CCL28: variants seen among roughly 807,000 people sequenced by gnomAD.
CCL28 encodes C-C motif chemokine ligand 28, also known as C-C motif chemokine 28.
In CCL28, 4 loss-of-function variants were observed where a neutral mutation model predicts 7.1. The observed-to-expected ratio is 0.56, with a 90% CI of 0.28 to 1.29. The LOEUF (loss-of-function observed/expected upper bound fraction) is 1.29. Ranked by LOEUF, CCL28 falls within the 50% of genes most tolerant of loss-of-function variation. The probability of loss-of-function intolerance (pLI) is 0.11; values close to 1 mark genes in which losing one functional copy is unlikely to be tolerated. For missense variants in CCL28, 151 were observed against 163.4 expected (o/e 0.92, Z 0.41); for synonymous variants, 55 against 57.8 (o/e 0.95, Z 0.22).
At chr5:43,395,937 T>C (rs1046470150) in intron 1 of CCL28, among the ~76,000 whole-genome samples, 1 of 144,440 alleles carries the variant, frequency 6.9e-6, no homozygotes, top group African/African-American at 2.6e-5. Context: ...AGTGGCGAGA[T>C]CTCTGCTCAC....
intron 1 of CCL28, among the ~76,000 whole-genome samples, chr5:43,393,933 A>G (rs1439065415): frequency 6.6e-6 from 1 of 152,210 alleles, no homozygotes; most frequent in Non-Finnish European, 1.5e-5. Flanking sequence ...TTCTTCTGCT[A>G]TGCTATATAA....
chr5:43,391,366 G>A (rs560312870), intron 1 of CCL28, among the ~76,000 whole-genome samples: 1 of 152,300 alleles, frequency 6.6e-6, no homozygotes, highest in South Asian at 2.1e-4. Flanking sequence ...AAAGTATTTT[G>A]AGGCCAGACA....
intron 1 of CCL28, among the ~76,000 whole-genome samples, chr5:43,388,918 C>T (rs1294790059): frequency 6.6e-6 from 1 of 152,114 alleles, no homozygotes; most frequent in Non-Finnish European, 1.5e-5. Context: ...GCTTAATAGT[C>T]CAGTGGGAGG....
At chr5:43,364,305 A>ATG in the CCL28 span, among the ~76,000 whole-genome samples, 1 of 151,512 alleles carries the variant, frequency 6.6e-6, no homozygotes, top group Admixed American at 6.6e-5. Context: ...AAAACTATAT[A>ATG]TGTGTGTGTG....
chr5:43,404,721 A>G (rs1032665761), intron 1 of CCL28, among the ~76,000 whole-genome samples: 1 of 152,366 alleles, frequency 6.6e-6, no homozygotes, highest in African/African-American at 2.4e-5. Context: ...GGCAAACTGG[A>G]TAAAGAGTCA....
chr5:43,366,426 TTCTGTAGG>T, the CCL28 span, among the ~76,000 whole-genome samples: 1 of 152,210 alleles, frequency 6.6e-6, no homozygotes, highest in Non-Finnish European at 1.5e-5. Context: ...CAGGCTCCTC[TTCTGTAGG>T]TCTGCTGGAG....
At chr5:43,377,717 C>CTCT (rs1739937800), downstream of CCL28, among the ~76,000 whole-genome samples, 1 of 42,708 alleles carries the variant, frequency 2.3e-5, no homozygotes, top group African/African-American at 1.2e-4. Flanking sequence ...AGAACTTAAA[C>CTCT]TTTTTTTTTT....
rs181908176 is a variant in CCL28, at chr5:43,390,758, A to G, written c.65-2282T>C. On this transcript the variant is annotated intron_variant, in intron 1 of 2. Coordinates refer to ENST00000361115, the MANE Select transcript of CCL28 (RefSeq NM_148672.3). ...TCCCCCAGACTCTTAGAGGGAAAGT[A>G]CCCTTCTCCAGGACCCACTATTTGA... Among the ~76,000 whole-genome samples the G allele has an allele frequency of 1.4e-4, 21 of 152,342 alleles. No individual in the cohort carries two copies. In the East Asian group the frequency reaches 3.9e-3, roughly 28 times the overall value.
At chr5:43,367,397 G>A in the CCL28 span, among the ~76,000 whole-genome samples, 1 of 152,210 alleles carries the variant, frequency 6.6e-6, no homozygotes, top group South Asian at 2.1e-4. Context: ...TCTGCGGGTT[G>A]TGAAGACTGT....
the CCL28 span, among the ~76,000 whole-genome samples, chr5:43,357,240 C>T: frequency 6.6e-6 from 1 of 152,116 alleles, no homozygotes; most frequent in Non-Finnish European, 1.5e-5. Flanking sequence ...TGCTAACATG[C>T]CAAAGTTAGT....
intron 1 of CCL28, among the ~76,000 whole-genome samples, chr5:43,404,321 T>C (rs1055606242): frequency 6.6e-6 from 1 of 152,104 alleles, no homozygotes; most frequent in Non-Finnish European, 1.5e-5. Context: ...CAGCAGAAAC[T>C]CTACAAGCCA....
chr5:43,403,511 C>G (rs6859824), intron 1 of CCL28, among the ~76,000 whole-genome samples: 3 of 152,136 alleles, frequency 2.0e-5, no homozygotes, highest in Admixed American at 1.3e-4. Flanking sequence ...CCCATCTGTA[C>G]GTCACCATCA....
At chr5:43,383,337 T>A (rs1297420383) in intron 2 of CCL28, among the ~76,000 whole-genome samples, 21 of 152,146 alleles carry the variant, frequency 1.4e-4, no homozygotes. Flanking sequence ...TCTGACCCTG[T>A]TATTCAGGGA....
the CCL28 span, among the ~76,000 whole-genome samples, chr5:43,362,777 T>C: frequency 6.6e-6 from 1 of 152,222 alleles, no homozygotes; most frequent in East Asian, 1.9e-4. Context: ...TTTCTCCTTT[T>C]ACACCTGAAA....
intron 1 of CCL28, among the ~76,000 whole-genome samples, chr5:43,405,321 T>C (rs1166912749): frequency 1.3e-5 from 2 of 152,164 alleles, no homozygotes; most frequent in Non-Finnish European, 2.9e-5. Flanking sequence ...GCAATCAAAC[T>C]AGAACTCAGG....
In CCL28 at chr5:43,405,521, C is replaced by T. The variant is rs1369951180; in HGVS notation, c.64+6732G>A. Among the ~76,000 whole-genome samples, 3 of 152,156 alleles carry T rather than the reference C, an allele frequency of 2.0e-5. No homozygotes were observed. The South Asian group carries it at 6.2e-4, about 32-fold the overall frequency. ...AGTGTGTAGGGGGAAATTTATAGCA[C>T]TACATGTGAACAAGAGAAAGCAGGA... On this transcript the variant is annotated intron_variant, in intron 1 of 2. Transcript: ENST00000361115.
downstream of CCL28, chr5:43,376,987 A>G (rs1239932397): frequency 6.6e-6 from 1 of 152,208 alleles, no homozygotes; most frequent in East Asian, 1.9e-4. Context: ...AACAGACTCC[A>G]CATAATTCTG....
intron 1 of CCL28, among the ~76,000 whole-genome samples, chr5:43,404,804 G>A: frequency 6.6e-6 from 1 of 152,022 alleles, no homozygotes; most frequent in East Asian, 1.9e-4. Context: ...CAAAATAAAG[G>A]GATGAAGGAA....
At chr5:43,357,849 T>A in the CCL28 span, among the ~76,000 whole-genome samples, 1 of 152,332 alleles carries the variant, frequency 6.6e-6, no homozygotes, top group African/African-American at 2.4e-5. Context: ...TTAAGATATC[T>A]TGTAATTCCA....
Sources: allele counts gnomAD v4.1 joint callset (sites outside exome capture counted in the v4.1 genomes callset), GRCh38; gene constraint gnomAD v4.1.1; transcripts MANE v1.5; gene names NCBI Gene and HGNC (gene_info 2026-07-23, HGNC 2026-07-21).